The following CASQ1 variants were observed in gnomAD, a reference collection of about 807,000 sequenced individuals.
The protein encoded by CASQ1 is calsequestrin 1, also known as calsequestrin-1.
CASQ1 carries 40 observed loss-of-function variants against 49.5 expected under a neutral mutation model. That is an observed-to-expected ratio of 0.81 (90% confidence interval 0.63 to 1.05). The LOEUF is 1.05. Among genes scored for constraint, CASQ1 ranks in the 50% least tolerant of loss-of-function variants. The pLI is 0.00. For missense variants in CASQ1, 469 were observed against 486.9 expected, an observed-to-expected ratio of 0.96 and a Z score of 0.35; for synonymous variants, 174 against 187.2, an observed-to-expected ratio of 0.93 and a Z score of 0.58.
chr1:160,199,658 T>C (rs1355983480), intron 9 of CASQ1, among the ~76,000 whole-genome samples, 193 bp from the exon 10 acceptor site: 1 of 152,098 alleles, frequency 6.6e-6, no homozygotes, highest in Non-Finnish European at 1.5e-5. Flanking sequence ...CCCGATTCTC[T>C]CCCTTTAGGA....
chr1:160,197,156 C>G (rs1654262059), intron 6 of CASQ1, among the ~76,000 whole-genome samples: 1 of 151,764 alleles, frequency 6.6e-6, no homozygotes, highest in Non-Finnish European at 1.5e-5. Context: ...GCAGTATATA[C>G]AGTACTTACT....
chr1:160,199,911 G>A lies in CASQ1; in HGVS notation c.1045G>A (p.Val349Ile), dbSNP rs771017127. ...CTTGTCAGCCCCACAAATAGGAGTC[G>A]TCAATGTTACTGATGTGAGTTTCCT... ...IDLSAPQIGV[V>I]NVTDADSVWM... The change falls in exon 10 of 11, where the codon GTC becomes ATC. Residue 349 changes from valine to isoleucine, a missense_variant. Coordinates refer to ENST00000368078, the MANE Select transcript of CASQ1 (RefSeq NM_001231.5). 42 of 1,611,742 alleles carry A rather than the reference G, an allele frequency of 2.6e-5. No homozygotes were observed. Among genetic ancestry groups the A allele is most frequent in the Admixed American group, 3.3e-5 (2 of 59,992 alleles).
intron 6 of CASQ1, 43 bp from the exon 7 acceptor site, chr1:160,197,526 C>T (rs1292195039): frequency 6.8e-6 from 10 of 1,474,792 alleles, no homozygotes; most frequent in Non-Finnish European, 9.5e-6. Flanking sequence ...AGGGGGCATC[C>T]TTCTAACCCA....
chr1:160,199,948 G>C (rs565427637), intron 10 of CASQ1, 23 bp downstream of exon 10: 1 of 1,539,042 alleles, frequency 6.5e-7, no homozygotes, highest in South Asian at 1.1e-5. Context: ...TCCTCATCCC[G>C]GGTTGACCCC....
At chr1:160,193,938 C>T (rs1342520378) in intron 3 of CASQ1, 91 bp downstream of exon 3, 1 of 753,218 alleles carries the variant, frequency 1.3e-6, no homozygotes, top group Non-Finnish European at 2.4e-6. Flanking sequence ...ACTGCACACA[C>T]ACACCACACA....
chr1:160,192,635 C>T (rs571297180), intron 1 of CASQ1, 167 bp from the exon 2 acceptor site: 2 of 647,058 alleles, frequency 3.1e-6, no homozygotes. Context: ...AAAAACAGAA[C>T]TGTGTGGCTG....
rs1396621451 is a variant in CASQ1 at position 160,190,769 on chromosome 1, G to C, written c.18G>C (p.Arg6Ser). ...CTACCTCCATGAGTGCTACAGACAG[G>C]ATGGGGCCCAGAGCTGTGCCGGGTC... MSATD[R>S]MGPRAVPGLR... Residue 6 changes from arginine (R) to serine (S), a missense_variant, in exon 1 of 11, where the codon AGG becomes AGC. Transcript: ENST00000368078. 2.5e-6 allele frequency: 4 copies of C among 1,614,074 alleles called. No individual in the cohort carries two copies. The highest frequency in any genetic ancestry group is 2.5e-6 in the Non-Finnish European group (3 of 1,179,968).
chr1:160,193,307 T>C (rs1274246400), intron 2 of CASQ1, among the ~76,000 whole-genome samples: 1 of 151,744 alleles, frequency 6.6e-6, no homozygotes, highest in Non-Finnish European at 1.5e-5. Context: ...TGGACATGCA[T>C]GGGGGAGGGG....
chr1:160,199,435 C>A (rs1363084664), intron 9 of CASQ1, among the ~76,000 whole-genome samples: 2 of 152,234 alleles, frequency 1.3e-5, no homozygotes, highest in Non-Finnish European at 2.9e-5. Flanking sequence ...CAACACCTAG[C>A]ACTCGCTGTT....
chr1:160,194,207 CCA>C lies in CASQ1; in HGVS notation c.465+366_465+367del, dbSNP rs200984782. 8.9e-4 allele frequency among the ~76,000 whole-genome samples: 132 copies of C among 148,596 alleles called. 2 individuals carry two copies. The highest frequency in any genetic ancestry group is 5.2e-3 in the East Asian group (26 of 5,014). On this transcript the variant is annotated intron_variant, in intron 3 of 10. Transcript: ENST00000368078. ...CATGCACACACACACCACATGCACA[CCA>C]CACACTCCACACACATCACACACCA...
At chr1:160,198,922 C>T in intron 8 of CASQ1, 31 bp from the exon 9 acceptor site, 1 of 1,409,394 alleles carries the variant, frequency 7.1e-7, no homozygotes, top group Non-Finnish European at 1.0e-6. Context: ...TCTCTACACA[C>T]CTCATACCTT....
chr1:160,198,960 C>G lies in CASQ1; in HGVS notation c.891C>G (p.Phe297Leu). The change falls in exon 9 of 11, where the codon TTC becomes TTG. Residue 297 changes from phenylalanine to leucine, a missense_variant. Transcript: ENST00000368078. ...ACTTGTGTTCCCTCCAAGATGGTTT[C>G]GAGTTCTTAGAGACTCTCAAGGCTG... is the stretch of plus-strand genomic sequence containing the variant. ...AFAEEADPDGFEFLETLKAVA... is the reference protein window; with the variant it reads ...AFAEEADPDGLEFLETLKAVA... The G allele has an allele frequency of 6.2e-7, 1 of 1,606,486 alleles. No homozygotes were observed. The highest frequency in any genetic ancestry group is 8.5e-7 in the Non-Finnish European group (1 of 1,173,046).
intron 10 of CASQ1, 57 bp downstream of exon 10, chr1:160,199,982 A>AG: frequency 8.6e-7 from 1 of 1,163,348 alleles, no homozygotes; most frequent in Non-Finnish European, 1.3e-6. Context: ...TAGCATAGCT[A>AG]GCTCTCCTCC....
rs997440712 is a variant in CASQ1 at position 160,195,664 on chromosome 1, G to A, written c.651+130G>A. On this transcript the variant is annotated intron_variant, in intron 5 of 10. Transcript: ENST00000368078. Reference sequence around the variant, plus strand: ...GCACTCCCTACCTGCCCCCCCCCCCGGCTCCTCCCACTCCATAGATTTAGA... The same window carrying A: ...GCACTCCCTACCTGCCCCCCCCCCCAGCTCCTCCCACTCCATAGATTTAGA... 104 of 586,578 alleles carry A rather than the reference G, an allele frequency of 1.8e-4. 1 individual carries two copies. The highest frequency in any genetic ancestry group is 9.3e-4 in the East Asian group (21 of 22,634). The allele number at this position is 586,578 out of a possible 1,614,324, so 36.3% of individuals were successfully genotyped here.
intron 6 of CASQ1, 136 bp downstream of exon 6, chr1:160,196,163 G>A (rs1654221800): frequency 1.3e-6 from 1 of 755,670 alleles, no homozygotes; most frequent in South Asian, 1.9e-5. Context: ...TTGGGCACCA[G>A]TGCTCTCTGA....
At position 160,196,017 on chromosome 1, in the gene CASQ1, G is replaced by A. The variant is rs762251023; in HGVS notation, c.772G>A (p.Glu258Lys). ...SEEEIVNFVE[E>K]HRRSTLRKLK... ...AGAGGAGATTGTCAACTTCGTGGAG[G>A]AGCACAGGAGGTGGGGACCAAGGGC... The change falls in exon 6 of 11, where the codon GAG (glutamate) becomes AAG (lysine). Residue 258 changes from glutamate (E) to lysine (K), a missense_variant. Coordinates refer to ENST00000368078, the MANE Select transcript of CASQ1 (RefSeq NM_001231.5). The A allele has an allele frequency of 6.2e-7, 1 of 1,613,850 alleles. No homozygotes were observed. The highest frequency in any genetic ancestry group is 1.3e-5 in the African/African-American group (1 of 75,022).
rs770652925 is a variant in CASQ1 at position 160,190,981 on chromosome 1, A to T, written c.230A>T (p.Asp77Val). 5.6e-6 allele frequency: 9 copies of T among 1,614,050 alleles called. No homozygotes were observed. The Admixed American group carries it at 1.5e-4, about 27-fold the overall frequency. Residue 77 changes from aspartate (D) to valine (V), a missense_variant, in exon 1 of 11, where the codon GAT becomes GTT. By Grantham distance (152) the Asp-to-Val change is radical. Transcript: ENST00000368078. Reference protein sequence around the residue: ...LALLYHEPPEDDKASQRQFEM... With the variant: ...LALLYHEPPEVDKASQRQFEM... ...CTCCTCTACCATGAACCCCCCGAGG[A>T]TGACAAGGCCTCACAAAGACAATTT...
At chr1:160,196,767 C>A (rs751553236) in intron 6 of CASQ1, among the ~76,000 whole-genome samples, 3 of 152,192 alleles carry the variant, frequency 2.0e-5, no homozygotes, top group African/African-American at 7.2e-5. Context: ...TGAGCCACTG[C>A]GCCTGGCCCC....
chr1:160,194,510 AT>A (rs1287806902), intron 3 of CASQ1, among the ~76,000 whole-genome samples: 1 of 145,188 alleles, frequency 6.9e-6, no homozygotes, highest in Non-Finnish European at 1.5e-5. Flanking sequence ...CCCACCAGAT[AT>A]ATCACATGCA....
Sources: gnomAD v4.1 joint callset for allele counts (sites outside exome capture counted in the v4.1 genomes callset) on GRCh38, gnomAD v4.1.1 for gene constraint, MANE v1.5 for transcripts, NCBI Gene and HGNC (gene_info 2026-07-23, HGNC 2026-07-21) for gene names.